The following WWOX variants were observed in gnomAD, a reference collection of about 807,000 sequenced individuals.
WWOX encodes the protein WW domain-containing oxidoreductase.
Under a neutral mutation model 46.2 loss-of-function variants are expected in WWOX, and 69 were observed. That is an observed-to-expected ratio of 1.49 (90% CI 1.23 to 1.82). WWOX has a LOEUF of 1.82. WWOX is among the 40% of genes most tolerant of loss of function. WWOX has a pLI of 0.00. For missense variants in WWOX, 919 were observed against 542.6 expected (o/e 1.69, Z -6.89); for synonymous variants, 359 against 202.6 (o/e 1.77, Z -6.56).
At chr16:78,623,946 A>G (rs1416354067) in intron 8 of WWOX, among the ~76,000 whole-genome samples, 1 of 152,162 alleles carries the variant, frequency 6.6e-6, no homozygotes, top group Non-Finnish European at 1.5e-5. Context: ...TCTTTGCTCT[A>G]CAGGTCAAGT....
At chr16:78,723,939 T>C (rs891425901) in intron 8 of WWOX, among the ~76,000 whole-genome samples, 11 of 152,188 alleles carry the variant, frequency 7.2e-5, no homozygotes, top group African/African-American at 2.7e-4. Context: ...AGACTTCACC[T>C]GCACAGTGGT....
At chr16:79,098,389 T>C (rs1480620626) in intron 8 of WWOX, among the ~76,000 whole-genome samples, 1 of 152,200 alleles carries the variant, frequency 6.6e-6, no homozygotes, top group Non-Finnish European at 1.5e-5. Flanking sequence ...TTCTGCTTCT[T>C]AACCAGCAGA....
intron 8 of WWOX, among the ~76,000 whole-genome samples, chr16:78,473,730 A>G (rs1040312263): frequency 6.6e-5 from 10 of 152,070 alleles, no homozygotes; most frequent in African/African-American, 2.4e-4. Context: ...CTTTACTCCC[A>G]GGTCTTTGCA....
chr16:78,104,339 G>A (rs755753365), intron 1 of WWOX, among the ~76,000 whole-genome samples: 5 of 89,384 alleles, frequency 5.6e-5, no homozygotes, highest in Admixed American at 2.2e-4. Context: ...ACACACGCAC[G>A]CACGCACGCA....
chr16:78,836,797 C>G (rs1427511393), intron 8 of WWOX, among the ~76,000 whole-genome samples: 1 of 152,116 alleles, frequency 6.6e-6, no homozygotes, highest in Non-Finnish European at 1.5e-5. Flanking sequence ...TTCTATACAC[C>G]AAAAGCCCCT....
chr16:79,098,341 C>G (rs2049118787), intron 8 of WWOX, among the ~76,000 whole-genome samples: 1 of 152,186 alleles, frequency 6.6e-6, no homozygotes. Context: ...ACACAGACAC[C>G]TGACTCCCAG....
chr16:78,426,765 G>A (rs1221836734), intron 7 of WWOX, among the ~76,000 whole-genome samples: 2 of 152,208 alleles, frequency 1.3e-5, no homozygotes, highest in Non-Finnish European at 2.9e-5. Context: ...CCAGGGTTAA[G>A]CGATTCTCCT....
At chr16:78,891,008 A>T (rs2044577881) in intron 8 of WWOX, 1 of 152,192 alleles carries the variant, frequency 6.6e-6, no homozygotes, top group Non-Finnish European at 1.5e-5. Context: ...ATTTTTAGTA[A>T]ATCACAGGTT....
intron 8 of WWOX, among the ~76,000 whole-genome samples, chr16:78,601,248 A>G (rs1453136775): frequency 6.6e-6 from 1 of 152,162 alleles, no homozygotes; most frequent in African/African-American, 2.4e-5. Context: ...ACCCAGAAGG[A>G]AGCCGGGTCC....
At position 78,595,546 on chromosome 16, in the gene WWOX, T is replaced by C. The variant is rs2045468850; in HGVS notation, c.1056+162794T>C. Among the ~76,000 whole-genome samples, 2 of 152,052 alleles carry C rather than the reference T, an allele frequency of 1.3e-5. 1 individual carries two copies. The highest frequency in any genetic ancestry group is 4.1e-4 in the South Asian group (2 of 4,824). On this transcript the variant is annotated intron_variant, in intron 8 of 8. Transcript: ENST00000566780. Reference sequence around the variant, plus strand: ...TCTCTCAATGGTGAGGTCCTCAATCTCTCCCTCCCCACCACAGTTAGCTAT... The same window carrying C: ...TCTCTCAATGGTGAGGTCCTCAATCCCTCCCTCCCCACCACAGTTAGCTAT...
At chr16:78,125,965 T>TA (rs958361195) in intron 4 of WWOX, among the ~76,000 whole-genome samples, 8 of 152,124 alleles carry the variant, frequency 5.3e-5, no homozygotes, top group African/African-American at 1.9e-4. Flanking sequence ...ATAAAAGATT[T>TA]AAAAAAACCC....
intron 8 of WWOX, among the ~76,000 whole-genome samples, chr16:79,188,825 G>A (rs2051071323): frequency 6.6e-6 from 1 of 152,180 alleles, no homozygotes; most frequent in African/African-American, 2.4e-5. Context: ...GGGCTGCTCG[G>A]TTCTCTCACC....
chr16:79,168,461 T>C (rs936754938), intron 8 of WWOX, among the ~76,000 whole-genome samples: 2 of 152,182 alleles, frequency 1.3e-5, no homozygotes, highest in Admixed American at 6.5e-5. Flanking sequence ...CCCCAGGGAC[T>C]TACTCAAGTT....
At chr16:78,870,804 G>C (rs888225224) in intron 8 of WWOX, among the ~76,000 whole-genome samples, 23 of 152,140 alleles carry the variant, frequency 1.5e-4, no homozygotes, top group African/African-American at 5.6e-4. Flanking sequence ...TTTTCACCGT[G>C]TTGCCCAGGG....
intron 5 of WWOX, among the ~76,000 whole-genome samples, chr16:78,209,237 C>T (rs1422454644): frequency 1.3e-5 from 2 of 152,028 alleles, no homozygotes; most frequent in Non-Finnish European, 2.9e-5. Context: ...GTGACGTTAC[C>T]TGAGATCTCA....
At chr16:78,123,543 C>T (rs1250256191) in intron 4 of WWOX, 31 of 143,284 alleles carry the variant, frequency 2.2e-4, no homozygotes, top group African/African-American at 6.8e-4. Flanking sequence ...CTGCAACCTT[C>T]GCCTCCCAGG....
intron 5 of WWOX, among the ~76,000 whole-genome samples, chr16:78,205,483 C>T (rs2036361019): frequency 6.6e-6 from 1 of 152,002 alleles, no homozygotes. Flanking sequence ...ATCCACCCTT[C>T]CATACATTCA....
intron 8 of WWOX, among the ~76,000 whole-genome samples, chr16:78,924,139 A>C (rs1178331329): frequency 6.6e-6 from 1 of 152,106 alleles, no homozygotes; most frequent in East Asian, 1.9e-4. Context: ...TAATCCATAG[A>C]CAAGGCTCTG....
rs33981779 is a variant in WWOX, at chr16:78,817,172, CTTTTTTTTTTTTT to C, written c.1056+384435_1056+384447del. ...GTTTTTCTTAAACATTAGTGCTATTCTTTTTTTTTTTTTTTTTTTTTTTTTTTCCTTCTTCAAC... is the reference window on the plus strand; with the variant it reads ...GTTTTTCTTAAACATTAGTGCTATTCTTTTTTTTTTTTTTCCTTCTTCAAC... On this transcript the variant is annotated intron_variant, in intron 8 of 8. Transcript: ENST00000566780. 8.5e-4 allele frequency among the ~76,000 whole-genome samples: 44 copies of C among 51,586 alleles called. 1 individual carries two copies. The Middle Eastern group carries it at 0.15, about 178-fold the overall frequency. The allele number at this position is 51,586 out of a possible 152,430, so 33.8% of individuals were successfully genotyped here.
Sources: gnomAD v4.1 joint callset for allele counts (sites outside exome capture counted in the v4.1 genomes callset) on GRCh38, gnomAD v4.1.1 for gene constraint, MANE v1.5 for transcripts, NCBI Gene and HGNC (gene_info 2026-07-23, HGNC 2026-07-21) for gene names.